SEC14L5: variants seen among roughly 807,000 people sequenced by gnomAD.
SEC14L5 encodes SEC14-like protein 5.
SEC14L5 carries 96 observed loss-of-function variants against 84.6 expected under a neutral mutation model. That is an observed-to-expected ratio of 1.13 (90% CI 0.96 to 1.34). SEC14L5 has a LOEUF of 1.34. Ranked by LOEUF, SEC14L5 falls within the 40% of genes most tolerant of loss-of-function variation. The pLI is 0.00. For missense variants in SEC14L5, 1,224 were observed against 942.5 expected, an observed-to-expected ratio of 1.30 and a Z score of -3.91; for synonymous variants, 546 against 383.4, an observed-to-expected ratio of 1.42 and a Z score of -4.95.
chr16:4,990,521 G>C (rs1245873961), intron 4 of SEC14L5, among the ~76,000 whole-genome samples: 2 of 152,232 alleles, frequency 1.3e-5, no homozygotes, highest in Non-Finnish European at 2.9e-5. Context: ...AAAGGGCAGG[G>C]CTGCAGATTT....
At chr16:4,970,381 T>C (rs1955260158) in intron 2 of SEC14L5, among the ~76,000 whole-genome samples, 1 of 152,098 alleles carries the variant, frequency 6.6e-6, no homozygotes, top group African/African-American at 2.4e-5. Flanking sequence ...AACTTGTCTC[T>C]CAAAGAAGTG....
intron 5 of SEC14L5, 55 bp from the exon 6 acceptor site, chr16:4,991,783 G>A (rs751359078): frequency 1.6e-5 from 20 of 1,290,132 alleles, no homozygotes; most frequent in Non-Finnish European, 1.9e-5. Flanking sequence ...GTGATCCTGT[G>A]ACCCCCCTCC....
rs550557843 is a variant in SEC14L5, at chr16:5,018,116, G to A, written c.*3146G>A. The A allele has an allele frequency of 1.3e-5, 2 of 152,454 alleles. No individual in the cohort carries two copies. The highest frequency in any genetic ancestry group is 2.9e-5 in the Non-Finnish European group (2 of 68,124). The allele number at this position is 152,454 out of a possible 1,614,324, so 9.4% of individuals were successfully genotyped here. A position where few individuals can be genotyped will look rare whatever the true frequency, so the allele number is the denominator to read the frequency against. Reference sequence around the variant, plus strand: ...TCAGTTTCCTCATCTGTAAAGTGAGGATAGCAGTGCCTACCTCAATAGGTT... The same window carrying A: ...TCAGTTTCCTCATCTGTAAAGTGAGAATAGCAGTGCCTACCTCAATAGGTT... On this transcript the variant is annotated 3_prime_UTR_variant, in exon 16 of 16. Transcript: ENST00000251170.
intron 2 of SEC14L5, among the ~76,000 whole-genome samples, chr16:4,980,413 G>T (rs1246412610): frequency 2.6e-5 from 4 of 152,128 alleles, no homozygotes; most frequent in Admixed American, 2.6e-4. Context: ...GTTATCTGGG[G>T]GCTCCAGACC....
chr16:4,989,338 T>G (rs915113559), intron 4 of SEC14L5, among the ~76,000 whole-genome samples: 13,410 of 94,720 alleles, frequency 0.14, 788 homozygotes, highest in Non-Finnish European at 0.2. Context: ...TTTTTTTTTT[T>G]GTTTGTTTTT....
intron 12 of SEC14L5, among the ~76,000 whole-genome samples, chr16:5,006,274 C>T (rs1955731310): frequency 6.6e-6 from 1 of 152,242 alleles, no homozygotes; most frequent in South Asian, 2.1e-4. Flanking sequence ...ACTCTGGGTC[C>T]TTCAAACATA....
chr16:5,003,673 A>T (rs1157080582), intron 11 of SEC14L5, 100 bp downstream of exon 11: 3 of 800,608 alleles, frequency 3.7e-6, no homozygotes, highest in East Asian at 5.3e-5. Context: ...GTTTCATTTC[A>T]TTTAGTAACT....
At chr16:4,962,482 G>C (rs187846822) in intron 2 of SEC14L5, among the ~76,000 whole-genome samples, 80 of 152,228 alleles carry the variant, frequency 5.3e-4, no homozygotes, top group African/African-American at 1.8e-3. Context: ...CAGGTCAGGA[G>C]TTCGAGACGA....
intron 2 of SEC14L5, among the ~76,000 whole-genome samples, chr16:4,965,700 T>C (rs1431275292): frequency 1.4e-5 from 2 of 147,946 alleles, no homozygotes; most frequent in South Asian, 2.1e-4. Context: ...GAAATCTCTA[T>C]TGTGAATGGT....
intron 6 of SEC14L5, among the ~76,000 whole-genome samples, chr16:4,994,698 T>G (rs368796624): frequency 6.6e-6 from 1 of 150,790 alleles, no homozygotes. Flanking sequence ...TTTTTTTTTA[T>G]AACAGCGCCC....
At chr16:4,982,837 G>T (rs1043248827) in intron 2 of SEC14L5, among the ~76,000 whole-genome samples, 1 of 152,172 alleles carries the variant, frequency 6.6e-6, no homozygotes, top group African/African-American at 2.4e-5. Context: ...GCTGGGATTT[G>T]TACCCAGGCA....
chr16:4,969,217 AGGC>A (rs1447816446), intron 2 of SEC14L5, among the ~76,000 whole-genome samples: 3 of 152,192 alleles, frequency 2.0e-5, no homozygotes, highest in Non-Finnish European at 4.4e-5. Flanking sequence ...AATAAGTGTA[AGGC>A]CCTCGTGCAT....
Position 5,007,452 on chromosome 16 carries a change from A to G in SEC14L5, c.1538A>G (p.His513Arg). ...CTGTGGCAGTGGAGTGAGACCTACC[A>G]TTCAGCCAGCGTGCTCCGCGGAGCC... The part of the protein sequence containing the change: ...DQLWQWSETY[H>R]SASVLRGAPH... Residue 513 changes from histidine to arginine, a missense_variant, in exon 13 of 16, where the codon CAT becomes CGT. Transcript: ENST00000251170. 2 of 1,613,832 alleles carry G rather than the reference A, an allele frequency of 1.2e-6. No homozygotes were observed. The highest frequency in any genetic ancestry group is 8.5e-7 in the Non-Finnish European group (1 of 1,179,848).
At chr16:4,979,978 C>T (rs7350859) in intron 2 of SEC14L5, among the ~76,000 whole-genome samples, 82,467 of 151,972 alleles carry the variant, frequency 0.54, 22,678 homozygotes, top group South Asian at 0.71. Context: ...ATGCTTGTGA[C>T]GTAGCCAGAG....
intron 2 of SEC14L5, among the ~76,000 whole-genome samples, chr16:4,970,629 G>A (rs1265372006): frequency 1.3e-5 from 2 of 152,224 alleles, no homozygotes; most frequent in African/African-American, 2.4e-5. Context: ...GATCCTAGGA[G>A]TCCCTGGGCC....
intron 15 of SEC14L5, 124 bp from the exon 16 acceptor site, chr16:5,014,735 C>T (rs1056004274): frequency 1.5e-6 from 1 of 675,770 alleles, no homozygotes; most frequent in South Asian, 1.8e-5. Context: ...TTGCTTTTCC[C>T]TTTGCATCGG....
Position 4,990,769 on chromosome 16 carries a change from C to T in SEC14L5, c.348C>T (p.Val116=). ...VVVNEHCSYT[V]HPENEDWTCF... ...CATGACCCCTGCCTGGCTTTCAGGT[C>T]CACCCTGAGAATGAAGACTGGACTT... Residue 116 remains valine (V), a splice_region_variant and synonymous_variant, in exon 5 of 16, where the codon GTC becomes GTT. Transcript: ENST00000251170. 1 of 1,606,862 alleles carries T rather than the reference C, an allele frequency of 6.2e-7. No homozygotes were observed. The highest frequency in any genetic ancestry group is 8.5e-7 in the Non-Finnish European group (1 of 1,176,450).
intron 15 of SEC14L5, among the ~76,000 whole-genome samples, chr16:5,013,125 C>T (rs1222875775): frequency 2.0e-5 from 3 of 152,076 alleles, no homozygotes; most frequent in East Asian, 1.9e-4. Flanking sequence ...GGAAACTGCC[C>T]CCATGATCCA....
intron 15 of SEC14L5, among the ~76,000 whole-genome samples, chr16:5,013,378 G>C (rs1955830569): frequency 7.0e-6 from 1 of 143,364 alleles, no homozygotes; most frequent in African/African-American, 2.5e-5. Context: ...CAAGTCACCA[G>C]GGGGTCTTTT....
Sources: allele counts gnomAD v4.1 joint callset (sites outside exome capture counted in the v4.1 genomes callset), GRCh38; gene constraint gnomAD v4.1.1; transcripts MANE v1.5; gene names NCBI Gene and HGNC (gene_info 2026-07-23, HGNC 2026-07-21).